The following NFIA variants were observed in gnomAD, a reference collection of about 807,000 sequenced individuals.
NFIA encodes the protein nuclear factor 1 A-type.
In NFIA, 8 loss-of-function variants were observed where a neutral mutation model predicts 62.8. The observed-to-expected ratio is 0.13, with a 90% CI of 0.07 to 0.23. The LOEUF is 0.23. NFIA is among the 10% of genes least tolerant of loss of function. The pLI, the probability that NFIA is intolerant of heterozygous loss-of-function variation, is 1.00. For missense variants in NFIA, 410 were observed against 642.1 expected (o/e 0.64, Z 3.91); for synonymous variants, 235 against 238.1 (o/e 0.99, Z 0.12).
chr1:61,237,269 CTTA>C (rs1387542546), intron 2 of NFIA, among the ~76,000 whole-genome samples: 2 of 152,142 alleles, frequency 1.3e-5, no homozygotes, highest in African/African-American at 4.8e-5. Context: ...AAAATATGCA[CTTA>C]TTATTATTTT....
At chr1:61,446,471 G>A (rs1016467786) in intron 10 of NFIA, among the ~76,000 whole-genome samples, 27 of 152,140 alleles carry the variant, frequency 1.8e-4, no homozygotes, top group South Asian at 4.1e-4. Context: ...ACTAACTTGA[G>A]GGGTGGGAGG....
At chr1:61,284,689 A>T (rs1283231665) in intron 3 of NFIA, among the ~76,000 whole-genome samples, 1 of 152,220 alleles carries the variant, frequency 6.6e-6, no homozygotes, top group Non-Finnish European at 1.5e-5. Flanking sequence ...TTAGTTGGCT[A>T]GTAGCCAAAA....
chr1:61,249,787 T>G (rs764958826), intron 2 of NFIA, among the ~76,000 whole-genome samples: 2 of 152,088 alleles, frequency 1.3e-5, no homozygotes, highest in African/African-American at 2.4e-5. Flanking sequence ...CATTCCAGCC[T>G]AGGCAACAGA....
intron 2 of NFIA, among the ~76,000 whole-genome samples, chr1:61,147,381 C>T (rs1482845328): frequency 6.6e-6 from 1 of 152,148 alleles, no homozygotes. Flanking sequence ...AAACTCCTGA[C>T]CTCAAGTGAT....
chr1:61,153,013 T>C (rs1357958122), intron 2 of NFIA, among the ~76,000 whole-genome samples: 1 of 152,178 alleles, frequency 6.6e-6, no homozygotes, highest in African/African-American at 2.4e-5. Flanking sequence ...TTCTTCCTAG[T>C]CTTCATCTAG....
rs145546341 is a variant in NFIA at position 61,208,044 on chromosome 1, C to T, written c.560-69476C>T. Among the ~76,000 whole-genome samples, 676 of 142,882 alleles carry T rather than the reference C, an allele frequency of 4.7e-3. 4 individuals carry two copies. Among genetic ancestry groups the T allele is most frequent in the African/African-American group, 0.017 (634 of 37,640 alleles). The allele number at this position is 142,882 out of a possible 152,430, so 93.7% of individuals were successfully genotyped here. A position where few individuals can be genotyped will look rare whatever the true frequency, so the allele number is the denominator to read the frequency against. On this transcript the variant is annotated intron_variant, in intron 2 of 10. Coordinates refer to ENST00000403491, the MANE Select transcript of NFIA (RefSeq NM_001134673.4). ...ATAAGGTAAGGCACTGTCTGCAATG[C>T]GTGAAGCACTTTTTAAAAAGTGAGA... is the stretch of plus-strand genomic sequence containing the variant.
intron 10 of NFIA, among the ~76,000 whole-genome samples, chr1:61,441,909 TC>T (rs1453852765): frequency 6.6e-6 from 1 of 151,910 alleles, no homozygotes; most frequent in Admixed American, 6.6e-5. Context: ...ACGTCATTGT[TC>T]CCTTTCCCCC....
upstream of NFIA, chr1:61,077,582 G>C: frequency 7.3e-7 from 1 of 1,360,630 alleles, no homozygotes; most frequent in Non-Finnish European, 9.6e-7. Context: ...GAAGCAATTC[G>C]TCTGAGCATT....
In NFIA at chr1:61,449,290, G is replaced by A. The variant is rs77648927; in HGVS notation, c.1513-6013G>A. On this transcript the variant is annotated intron_variant, in intron 10 of 10. Coordinates refer to ENST00000403491, the MANE Select transcript of NFIA (RefSeq NM_001134673.4). ...GTCATCCATCCAGATGCCTTGCTTT[G>A]CCCTCATTGGGGTGACTGACACCAG... 4.5e-3 allele frequency among the ~76,000 whole-genome samples: 685 copies of A among 152,292 alleles called. 15 individuals are homozygous for A. The highest frequency in any genetic ancestry group is 0.043 in the East Asian group (224 of 5,182).
intron 2 of NFIA, among the ~76,000 whole-genome samples, chr1:61,202,543 T>C (rs1341189371): frequency 1.3e-5 from 2 of 152,236 alleles, no homozygotes; most frequent in Non-Finnish European, 2.9e-5. Flanking sequence ...ATACCAGGTC[T>C]ATAGAAATAT....
rs77306473 is a variant in NFIA at position 61,400,348 on chromosome 1, C to G, written c.1076-3756C>G. On this transcript the variant is annotated intron_variant, in intron 7 of 10. Coordinates refer to ENST00000403491, the MANE Select transcript of NFIA (RefSeq NM_001134673.4). ...CAGTTGTTTTAAACAAGTCTGGCCA[C>G]TCGTTAAAGTTTAAACTAGTAGTGA... Among the ~76,000 whole-genome samples, 889 of 152,276 alleles carry G rather than the reference C, an allele frequency of 5.8e-3. 21 individuals carry two copies. The highest frequency in any genetic ancestry group is 0.029 in the East Asian group (152 of 5,188).
chr1:61,287,458 A>G (rs946516148), intron 3 of NFIA, among the ~76,000 whole-genome samples: 5 of 152,208 alleles, frequency 3.3e-5, no homozygotes, highest in Non-Finnish European at 7.3e-5. Flanking sequence ...CCATTAGATT[A>G]TAACCCCCAG....
At chr1:61,347,075 C>G (rs941936302) in intron 4 of NFIA, among the ~76,000 whole-genome samples, 16 of 151,398 alleles carry the variant, frequency 1.1e-4, no homozygotes, top group African/African-American at 3.9e-4. Flanking sequence ...GGTGGGGACA[C>G]AGAGCCAAAC....
At chr1:61,172,926 T>C (rs1159616845) in intron 2 of NFIA, among the ~76,000 whole-genome samples, 2 of 152,214 alleles carry the variant, frequency 1.3e-5, no homozygotes, top group African/African-American at 4.8e-5. Context: ...ATTTGTACAG[T>C]ATTTGCAGTT....
intron 2 of NFIA, among the ~76,000 whole-genome samples, chr1:61,192,799 A>G (rs563603764): frequency 5.3e-5 from 8 of 152,304 alleles, no homozygotes; most frequent in African/African-American, 1.9e-4. Context: ...CGAAGCACCA[A>G]GTGGGAGGTG....
intron 2 of NFIA, among the ~76,000 whole-genome samples, chr1:61,174,011 G>A (rs1162851980): frequency 6.6e-6 from 1 of 152,184 alleles, no homozygotes; most frequent in Non-Finnish European, 1.5e-5. Flanking sequence ...GCTAAGGGTA[G>A]AGGTGACGAG....
At chr1:61,200,945 CTT>C (rs1483279069) in intron 2 of NFIA, among the ~76,000 whole-genome samples, 1 of 151,888 alleles carries the variant, frequency 6.6e-6, no homozygotes, top group African/African-American at 2.4e-5. Context: ...CATCTATAAT[CTT>C]TTCATGTATG....
At chr1:61,176,721 T>TA (rs1409171873) in intron 2 of NFIA, among the ~76,000 whole-genome samples, 1 of 152,182 alleles carries the variant, frequency 6.6e-6, no homozygotes, top group Non-Finnish European at 1.5e-5. Flanking sequence ...GGATATTCTT[T>TA]AAAAATTTTT....
At chr1:61,333,371 G>C (rs897761948) in intron 4 of NFIA, among the ~76,000 whole-genome samples, 1 of 152,094 alleles carries the variant, frequency 6.6e-6, no homozygotes, top group Non-Finnish European at 1.5e-5. Context: ...TGTGTTACAG[G>C]CTTGCAAGAT....
Sources: gnomAD v4.1 joint callset for allele counts (sites outside exome capture counted in the v4.1 genomes callset) on GRCh38, gnomAD v4.1.1 for gene constraint, MANE v1.5 for transcripts, NCBI Gene and HGNC (gene_info 2026-07-23, HGNC 2026-07-21) for gene names.